Variants in SLC24A3 observed in about 807,000 individuals in gnomAD.
The protein encoded by SLC24A3 is solute carrier family 24 member 3.
Under a neutral mutation model 75.8 loss-of-function variants are expected in SLC24A3, and 28 were observed. That is an observed-to-expected ratio of 0.37 (90% CI 0.27 to 0.51). The LOEUF (loss-of-function observed/expected upper bound fraction) is 0.51, where lower values mean the gene tolerates loss of function less well. SLC24A3 is among the 20% of genes least tolerant of loss of function. The pLI, the probability that SLC24A3 is intolerant of heterozygous loss-of-function variation, is 0.94. For missense variants in SLC24A3, 663 were observed against 847.8 expected, an observed-to-expected ratio of 0.78 and a Z score of 2.71; for synonymous variants, 372 against 334.1, an observed-to-expected ratio of 1.11 and a Z score of -1.24.
chr20:19,235,264 T>C (rs943313087), intron 1 of SLC24A3, among the ~76,000 whole-genome samples: 1 of 152,306 alleles, frequency 6.6e-6, no homozygotes, highest in East Asian at 1.9e-4. Context: ...TGCTACCCAC[T>C]CATCTTCCCT....
intron 6 of SLC24A3, among the ~76,000 whole-genome samples, chr20:19,617,896 T>C (rs1052111342): frequency 2.6e-5 from 4 of 152,228 alleles, no homozygotes; most frequent in African/African-American, 4.8e-5. Flanking sequence ...GACTTTCTTT[T>C]TGATCTCCAA....
At chr20:19,216,604 G>A (rs538343079) in intron 1 of SLC24A3, among the ~76,000 whole-genome samples, 158 of 151,752 alleles carry the variant, frequency 1.0e-3, no homozygotes, top group African/African-American at 3.8e-3. Flanking sequence ...GTGAGACCCT[G>A]TCTCAAAAAC....
chr20:19,711,564 G>GCA (rs1426757883), intron 15 of SLC24A3, among the ~76,000 whole-genome samples: 3 of 151,784 alleles, frequency 2.0e-5, no homozygotes, highest in Non-Finnish European at 4.4e-5. Flanking sequence ...GCAGGCAAAC[G>GCA]CACACACGTG....
intron 3 of SLC24A3, among the ~76,000 whole-genome samples, chr20:19,516,970 T>G (rs767776567): frequency 3.9e-5 from 6 of 152,200 alleles, no homozygotes; most frequent in Non-Finnish European, 8.8e-5. Context: ...CAGGCCACCT[T>G]GATCTTGACT....
At chr20:19,679,300 A>G (rs1034851983) in intron 9 of SLC24A3, among the ~76,000 whole-genome samples, 16 of 152,216 alleles carry the variant, frequency 1.1e-4, no homozygotes, top group African/African-American at 3.9e-4. Context: ...TAGGAGCTGG[A>G]GACCAGCCCG....
At chr20:19,306,629 T>C (rs1480009018) in intron 2 of SLC24A3, among the ~76,000 whole-genome samples, 1 of 152,088 alleles carries the variant, frequency 6.6e-6, no homozygotes. Flanking sequence ...ATGTTCTCAC[T>C]TGTAAGTGGG....
chr20:19,591,655 A>C (rs556681148), intron 6 of SLC24A3, among the ~76,000 whole-genome samples: 2 of 152,310 alleles, frequency 1.3e-5, no homozygotes, highest in South Asian at 2.1e-4. Flanking sequence ...GAGCCAACTC[A>C]GGTTACCTGA....
intron 2 of SLC24A3, among the ~76,000 whole-genome samples, chr20:19,374,668 G>A (rs1467647806): frequency 6.6e-6 from 1 of 152,186 alleles, no homozygotes; most frequent in Non-Finnish European, 1.5e-5. Context: ...TTTTCTCAAT[G>A]TGAAGCTCAG....
At chr20:19,325,132 A>G (rs1390080996) in intron 2 of SLC24A3, among the ~76,000 whole-genome samples, 1 of 151,452 alleles carries the variant, frequency 6.6e-6, no homozygotes, top group African/African-American at 2.4e-5. Flanking sequence ...TCCTTAGGAG[A>G]GAGAAGGAAC....
intron 2 of SLC24A3, among the ~76,000 whole-genome samples, chr20:19,368,124 G>A (rs543580228): frequency 3.9e-5 from 6 of 152,232 alleles, no homozygotes; most frequent in African/African-American, 7.2e-5. Flanking sequence ...GTGTGTCCAC[G>A]TGCATGCACA....
At chr20:19,468,166 T>C (rs1020973462) in intron 2 of SLC24A3, among the ~76,000 whole-genome samples, 6 of 152,194 alleles carry the variant, frequency 3.9e-5, no homozygotes, top group African/African-American at 1.4e-4. Flanking sequence ...TTTTCAATTT[T>C]GTCTTTGAAA....
intron 3 of SLC24A3, among the ~76,000 whole-genome samples, chr20:19,575,722 G>A (rs970660996): frequency 2.6e-5 from 4 of 152,206 alleles, no homozygotes; most frequent in Non-Finnish European, 5.9e-5. Flanking sequence ...AGGGTGTTGG[G>A]CCAGCCCAAG....
intron 1 of SLC24A3, among the ~76,000 whole-genome samples, chr20:19,222,372 G>C (rs1189877998): frequency 6.6e-6 from 1 of 152,124 alleles, no homozygotes; most frequent in African/African-American, 2.4e-5. Context: ...GTGGTGCTGT[G>C]GAAAAGATGA....
At chr20:19,616,417 T>A (rs2031737175) in intron 6 of SLC24A3, among the ~76,000 whole-genome samples, 1 of 152,098 alleles carries the variant, frequency 6.6e-6, no homozygotes, top group African/African-American at 2.4e-5. Flanking sequence ...CTAGACAGAG[T>A]CATTCAGGAC....
At chr20:19,436,441 A>G (rs564174674) in intron 2 of SLC24A3, among the ~76,000 whole-genome samples, 2 of 152,308 alleles carry the variant, frequency 1.3e-5, no homozygotes, top group East Asian at 3.9e-4. Context: ...ATGCTCATGT[A>G]GATTTACTGA....
At chr20:19,629,209 A>G (rs1230593583) in intron 6 of SLC24A3, among the ~76,000 whole-genome samples, 1 of 152,116 alleles carries the variant, frequency 6.6e-6, no homozygotes, top group Non-Finnish European at 1.5e-5. Flanking sequence ...GCAAAAAGAA[A>G]CTATAAAAAA....
chr20:19,329,458 A>G (rs1431538088), intron 2 of SLC24A3, among the ~76,000 whole-genome samples: 1 of 152,160 alleles, frequency 6.6e-6, no homozygotes, highest in Non-Finnish European at 1.5e-5. Context: ...AGGAAACACA[A>G]CGAGATGCTC....
intron 2 of SLC24A3, among the ~76,000 whole-genome samples, chr20:19,397,871 A>G (rs530789245): frequency 1.2e-3 from 178 of 152,208 alleles, no homozygotes; most frequent in African/African-American, 4.0e-3. Context: ...ATGAGATTCA[A>G]GTAGGAAGTG....
At chr20:19,545,137 G>A (rs899373720) in intron 3 of SLC24A3, among the ~76,000 whole-genome samples, 5 of 152,218 alleles carry the variant, frequency 3.3e-5, no homozygotes, top group African/African-American at 9.7e-5. Flanking sequence ...AGAAGGAGAA[G>A]TGGGACATAA....
Sources: allele counts gnomAD v4.1 joint callset (sites outside exome capture counted in the v4.1 genomes callset), GRCh38; gene constraint gnomAD v4.1.1; transcripts MANE v1.5; gene names NCBI Gene and HGNC (gene_info 2026-07-23, HGNC 2026-07-21).